Variants in CYRIB observed in about 807,000 individuals in gnomAD.
CYRIB encodes CYFIP related Rac1 interactor B, also known as CYFIP-related Rac1 interactor B.
Under a neutral mutation model 44.2 loss-of-function variants are expected in CYRIB, and 8 were observed. That is an observed-to-expected ratio of 0.18 (90% confidence interval 0.11 to 0.33). The LOEUF is 0.33. Ranked by LOEUF, CYRIB falls within the 10% of genes least tolerant of loss-of-function variation. CYRIB has a pLI of 1.00. For missense variants in CYRIB, 185 were observed against 382.8 expected (o/e 0.48, Z 4.31); for synonymous variants, 131 against 127.2 (o/e 1.03, Z -0.20).
At chr8:129,881,316 A>C (rs1389884046) in intron 2 of CYRIB, among the ~76,000 whole-genome samples, 2 of 152,178 alleles carry the variant, frequency 1.3e-5, no homozygotes, top group Non-Finnish European at 2.9e-5. Flanking sequence ...CCTCCCTCCA[A>C]CTGCTGTACT....
intron 1 of CYRIB, among the ~76,000 whole-genome samples, chr8:129,997,861 G>A (rs1270427779): frequency 3.3e-5 from 5 of 152,118 alleles, no homozygotes; most frequent in South Asian, 2.1e-4. Flanking sequence ...AGTGGCTCAC[G>A]CCTGTAATCA....
intron 4 of CYRIB, chr8:129,864,901 G>A: frequency 2.6e-6 from 1 of 377,982 alleles, no homozygotes; most frequent in Non-Finnish European, 5.1e-6. Context: ...ACACCCAACA[G>A]ATCACCATAC....
intron 11 of CYRIB, among the ~76,000 whole-genome samples, 167 bp from the exon 14 acceptor site, chr8:129,842,372 CA>C (rs1200745344): frequency 2.0e-5 from 3 of 152,232 alleles, no homozygotes; most frequent in Admixed American, 1.3e-4. Flanking sequence ...CTGTCATCCT[CA>C]CCCCCTTTCT....
Position 129,992,931 on chromosome 8 carries a change from G to A in CYRIB, c.-295-21936C>T, listed in dbSNP as rs147763291. On this transcript the variant is annotated intron_variant, in intron 1 of 14. Coordinates refer to the CYRIB transcript ENST00000401979. ...GCAGCCAGGGAAGAAAGGAATACAC[G>A]GCAAGAAGGAAGAGCAACCTTTCCT... Among the ~76,000 whole-genome samples the A allele has an allele frequency of 2.2e-4, 34 of 152,260 alleles. No homozygotes were observed. The East Asian group carries it at 4.4e-3, about 20-fold the overall frequency.
chr8:129,876,240 G>A (rs1032121224), intron 3 of CYRIB, among the ~76,000 whole-genome samples: 7 of 152,100 alleles, frequency 4.6e-5, no homozygotes, highest in Non-Finnish European at 5.9e-5. Context: ...TGGCAGGTGG[G>A]CACCTGTAAT....
intron 2 of CYRIB, among the ~76,000 whole-genome samples, chr8:129,894,920 TA>T (rs1372460953): frequency 1.5e-4 from 23 of 149,394 alleles, no homozygotes; most frequent in African/African-American, 4.9e-4. Flanking sequence ...GAAATATATA[TA>T]TATATATATT....
chr8:129,938,855 G>A (rs929733955), intron 1 of CYRIB, among the ~76,000 whole-genome samples: 1 of 151,994 alleles, frequency 6.6e-6, no homozygotes, highest in Non-Finnish European at 1.5e-5. Flanking sequence ...TAGCCATGAG[G>A]TTAAAACACA....
At chr8:129,893,107 C>T (rs1407195899) in intron 2 of CYRIB, among the ~76,000 whole-genome samples, 1 of 152,100 alleles carries the variant, frequency 6.6e-6, no homozygotes, top group African/African-American at 2.4e-5. Context: ...AGATGCCCAA[C>T]AAAAAAGCTT....
At chr8:129,927,631 G>A (rs1450176221) in intron 1 of CYRIB, among the ~76,000 whole-genome samples, 1 of 152,170 alleles carries the variant, frequency 6.6e-6, no homozygotes, top group Non-Finnish European at 1.5e-5. Flanking sequence ...TGGCTGGAAA[G>A]ATGGTCACCA....
intron 4 of CYRIB, among the ~76,000 whole-genome samples, chr8:129,867,027 G>C (rs770939359): frequency 6.6e-6 from 1 of 152,196 alleles, no homozygotes; most frequent in South Asian, 2.1e-4. Flanking sequence ...ACTGGCTCAC[G>C]CCTGTAATCC....
intron 11 of CYRIB, chr8:129,844,437 C>T (rs1055493400): frequency 2.6e-5 from 4 of 152,236 alleles, no homozygotes; most frequent in African/African-American, 9.6e-5. Flanking sequence ...TGCACAAAAA[C>T]AAATTTTTTT....
chr8:130,007,821 C>T (rs1022667393), intron 1 of CYRIB, among the ~76,000 whole-genome samples: 39 of 151,952 alleles, frequency 2.6e-4, no homozygotes, highest in African/African-American at 9.0e-4. Flanking sequence ...AGGACACTTG[C>T]TCCATGCTCC....
At chr8:129,910,055 C>A (rs2077182405) in intron 1 of CYRIB, among the ~76,000 whole-genome samples, 1 of 152,210 alleles carries the variant, frequency 6.6e-6, no homozygotes. Context: ...GCTGTAACCA[C>A]CTGCATGGAC....
At chr8:129,873,432 C>A (rs977112797) in intron 3 of CYRIB, among the ~76,000 whole-genome samples, 1 of 151,982 alleles carries the variant, frequency 6.6e-6, no homozygotes, top group Non-Finnish European at 1.5e-5. Context: ...CAGACATACA[C>A]TCTTTTTAAA....
chr8:129,931,309 TTAAAG>T (rs990705312), intron 1 of CYRIB, among the ~76,000 whole-genome samples: 7 of 152,328 alleles, frequency 4.6e-5, no homozygotes, highest in South Asian at 2.1e-4. Context: ...TTGCCAGAAT[TTAAAG>T]TAGAGAACTG....
intron 1 of CYRIB, among the ~76,000 whole-genome samples, chr8:129,903,580 A>G (rs2073536790): frequency 6.6e-6 from 1 of 152,214 alleles, no homozygotes; most frequent in African/African-American, 2.4e-5. Context: ...TAGGTAAGAC[A>G]ACCCAGTTGT....
intron 1 of CYRIB, among the ~76,000 whole-genome samples, chr8:129,938,089 T>C (rs1308157998): frequency 6.6e-6 from 1 of 151,958 alleles, no homozygotes; most frequent in Admixed American, 6.6e-5. Context: ...ACTAAGAGCC[T>C]CTCGTTCGTT....
intron 1 of CYRIB, among the ~76,000 whole-genome samples, chr8:129,939,282 C>T (rs1282024664): frequency 6.9e-6 from 1 of 144,080 alleles, no homozygotes; most frequent in Non-Finnish European, 1.5e-5. Context: ...GACGAGCCAA[C>T]GAGCCAGGAG....
At chr8:130,013,693 G>A (rs571862259) in intron 1 of CYRIB, among the ~76,000 whole-genome samples, 2 of 152,126 alleles carry the variant, frequency 1.3e-5, no homozygotes, top group Admixed American at 6.6e-5. Flanking sequence ...CGCGTCCCTC[G>A]GGCGTCCTTC....
Sources: allele counts gnomAD v4.1 joint callset (sites outside exome capture counted in the v4.1 genomes callset), GRCh38; gene constraint gnomAD v4.1.1; transcripts MANE v1.5; gene names NCBI Gene and HGNC (gene_info 2026-07-23, HGNC 2026-07-21).